TCF4: variants seen among roughly 807,000 people sequenced by gnomAD.
TCF4 encodes transcription factor 4.
In TCF4, 3 loss-of-function variants were observed where a neutral mutation model predicts 82.1. The ratio of observed to expected loss-of-function variants is 0.04; its 90% CI spans 0.02 to 0.09. TCF4 has a LOEUF of 0.09. TCF4 is among the 10% of genes least tolerant of loss of function. The probability of loss-of-function intolerance (pLI) is 1.00; values close to 1 mark genes in which losing one functional copy is unlikely to be tolerated. For missense variants in TCF4, 518 were observed against 852.7 expected (o/e 0.61, Z 4.89); for synonymous variants, 276 against 309.6 (o/e 0.89, Z 1.14).
chr18:55,416,670 T>TCC (rs2094536743), intron 5 of TCF4, among the ~76,000 whole-genome samples: 7 of 152,238 alleles, frequency 4.6e-5, no homozygotes, highest in Admixed American at 4.6e-4. Context: ...ATAATATGCC[T>TCC]CCTTTGGCCA....
intron 5 of TCF4, among the ~76,000 whole-genome samples, chr18:55,429,778 A>AAAC (rs1556333072): frequency 6.6e-6 from 1 of 150,944 alleles, no homozygotes; most frequent in East Asian, 2.0e-4. Flanking sequence ...AAAAAAAAAA[A>AAAC]AAAAAAAAAA....
chr18:55,260,741 G>A (rs1049879894), intron 12 of TCF4, among the ~76,000 whole-genome samples: 1 of 152,034 alleles, frequency 6.6e-6, no homozygotes, highest in African/African-American at 2.4e-5. Context: ...CATGTTTTTA[G>A]TAGTGACAGG....
chr18:55,501,357 A>AT (rs2096698957), intron 3 of TCF4, among the ~76,000 whole-genome samples: 1 of 152,336 alleles, frequency 6.6e-6, no homozygotes, highest in East Asian at 1.9e-4. Context: ...CCTTAAGGCC[A>AT]TAACAATATA....
rs376490498 is a variant in TCF4, at chr18:55,380,581, T to A, written c.369+22873A>T. The stretch of plus-strand genomic sequence containing the variant: ...GGTTTCAACATATGAATTTGGGGAG[T>A]GGGGATAGGACACAAACAAGCAGCC... On this transcript the variant is annotated intron_variant, in intron 6 of 19. Transcript: ENST00000354452. Among the ~76,000 whole-genome samples the A allele has an allele frequency of 5.3e-5, 8 of 151,804 alleles. No homozygotes were observed. The East Asian group carries it at 9.6e-4, about 18-fold the overall frequency.
intron 3 of TCF4, among the ~76,000 whole-genome samples, chr18:55,562,886 GATACATA>G (rs1386289198): frequency 8.6e-5 from 13 of 151,942 alleles, no homozygotes; most frequent in African/African-American, 2.9e-4. Context: ...CAGATACATA[GATACATA>G]AATTATACAT....
rs144642997 is a variant in TCF4, at chr18:55,537,400, G to A, written c.145+47880C>T. ...AGCTCAGGAGTTCAAGAACAGCCTG[G>A]GCAACATGGCGAAACACCATCTCTA... is the stretch of plus-strand genomic sequence containing the variant. On this transcript the variant is annotated intron_variant, in intron 3 of 19. Transcript: ENST00000354452. 7.9e-5 allele frequency among the ~76,000 whole-genome samples: 12 copies of A among 152,100 alleles called. No individual in the cohort carries two copies. The East Asian group carries it at 2.3e-3, about 30-fold the overall frequency.
At chr18:55,621,330 T>C (rs1446410483) in intron 2 of TCF4, among the ~76,000 whole-genome samples, 1 of 146,116 alleles carries the variant, frequency 6.8e-6, no homozygotes, top group Non-Finnish European at 1.5e-5. Context: ...ATATTTAACA[T>C]ATCTTTTTCT....
In TCF4 at chr18:55,628,993, A is replaced by C. The variant is rs544352983; in HGVS notation, c.286+2305T>G. 4.1e-4 allele frequency among the ~76,000 whole-genome samples: 63 copies of C among 152,370 alleles called. No individual in the cohort carries two copies. In the South Asian group the frequency reaches 5.6e-3, roughly 14 times the overall value. On this transcript the variant is annotated intron_variant, in intron 2 of 20. Transcript: ENST00000398339. ...ATTGTTGCTAAATATTTCTTTATAC[A>C]TTTATAAATAAGTAGTAAATAATTT...
At chr18:55,285,764 T>C (rs996008549) in intron 8 of TCF4, among the ~76,000 whole-genome samples, 1 of 152,202 alleles carries the variant, frequency 6.6e-6, no homozygotes, top group Non-Finnish European at 1.5e-5. Flanking sequence ...ACAGTAAGCC[T>C]AGCTCATGTA....
intron 15 of TCF4, among the ~76,000 whole-genome samples, chr18:55,239,862 CTT>C (rs1181391682): frequency 2.6e-5 from 4 of 152,174 alleles, no homozygotes; most frequent in African/African-American, 9.7e-5. Flanking sequence ...TTTTTGCTCT[CTT>C]TGTTTCCAGG....
At chr18:55,396,158 G>A (rs912040519) in intron 6 of TCF4, among the ~76,000 whole-genome samples, 12 of 152,100 alleles carry the variant, frequency 7.9e-5, no homozygotes, top group African/African-American at 2.9e-4. Context: ...ACTCCTTCAT[G>A]GGCTTAAGTA....
chr18:55,410,481 G>C (rs758639305), intron 5 of TCF4, among the ~76,000 whole-genome samples: 14 of 151,840 alleles, frequency 9.2e-5, no homozygotes, highest in African/African-American at 1.5e-4. Context: ...GCACTATCTC[G>C]CATGCAAATT....
intron 8 of TCF4, among the ~76,000 whole-genome samples, chr18:55,304,718 C>T (rs749314225): frequency 1.3e-5 from 2 of 152,048 alleles, no homozygotes; most frequent in Non-Finnish European, 2.9e-5. Context: ...CATGCAAGCA[C>T]CTCACCCAAG....
chr18:55,420,568 G>C (rs1033275512), intron 5 of TCF4, among the ~76,000 whole-genome samples: 1 of 152,158 alleles, frequency 6.6e-6, no homozygotes, highest in Admixed American at 6.6e-5. Context: ...AGGATTCCGG[G>C]GGCTAATACC....
intron 3 of TCF4, among the ~76,000 whole-genome samples, chr18:55,562,878 GATAC>G (rs1243739008): frequency 2.6e-5 from 4 of 152,048 alleles, no homozygotes; most frequent in Non-Finnish European, 4.4e-5. Flanking sequence ...TAGACAGGCA[GATAC>G]ATAGATACAT....
intron 8 of TCF4, among the ~76,000 whole-genome samples, chr18:55,344,289 T>TA (rs2080675126): frequency 6.6e-6 from 1 of 152,154 alleles, no homozygotes; most frequent in Non-Finnish European, 1.5e-5. Context: ...TTTTAAAAGT[T>TA]AAAAAATGGT....
chr18:55,349,457 TA>T (rs951885128), intron 8 of TCF4, among the ~76,000 whole-genome samples: 1 of 152,120 alleles, frequency 6.6e-6, no homozygotes, highest in Non-Finnish European at 1.5e-5. Context: ...GATTTTATAT[TA>T]AAGTATAAAA....
At position 55,586,207 on chromosome 18, in the gene TCF4, C is replaced by CAGCA. The variant is rs1461232463; in HGVS notation, c.72+834_72+837dup. 3.7e-6 allele frequency: 3 copies of CAGCA among 814,168 alleles called. No individual in the cohort carries two copies. The African/African-American group carries it at 7.5e-5, about 20-fold the overall frequency. 50.4% of individuals were successfully genotyped at this position (814,168 alleles called of 1,614,324 possible). ...GCAGCAGCAGCAGCAGCAGCAGCAGCAGCAGCAGCAGCAGCAGCAGCATGA... is the reference window on the plus strand; with the variant it reads ...GCAGCAGCAGCAGCAGCAGCAGCAGCAGCAAGCAGCAGCAGCAGCAGCAGCATGA... On this transcript the variant is annotated intron_variant, in intron 2 of 19. Transcript: ENST00000354452.
intron 6 of TCF4, among the ~76,000 whole-genome samples, chr18:55,392,462 C>CAAAAAAAAAAAAA (rs772409228): frequency 1.0e-5 from 1 of 95,526 alleles, no homozygotes. Flanking sequence ...AACAACCCCA[C>CAAAAAAAAAAAAA]AAAAAAAAAA....
Sources: gnomAD v4.1 joint callset for allele counts (sites outside exome capture counted in the v4.1 genomes callset) on GRCh38, gnomAD v4.1.1 for gene constraint, MANE v1.5 for transcripts, NCBI Gene and HGNC (gene_info 2026-07-23, HGNC 2026-07-21) for gene names.